SEMA3E: variants seen among roughly 807,000 people sequenced by gnomAD.
SEMA3E encodes the protein semaphorin-3E.
In SEMA3E, 49 loss-of-function variants were observed where a neutral mutation model predicts 93.6. The ratio of observed to expected loss-of-function variants is 0.52; its 90% CI spans 0.42 to 0.66. The LOEUF is 0.66. Ranked by LOEUF, SEMA3E falls within the 30% of genes least tolerant of loss-of-function variation. The pLI is 0.00. For synonymous variants in SEMA3E, 363 were observed against 330.7 expected (o/e 1.10, Z -1.06); for missense variants, 906 against 964.8 (o/e 0.94, Z 0.81).
intron 12 of SEMA3E, among the ~76,000 whole-genome samples, chr7:83,395,413 T>TA (rs1188636725): frequency 6.6e-6 from 1 of 152,192 alleles, no homozygotes; most frequent in East Asian, 1.9e-4. Flanking sequence ...CAATCTTTGT[T>TA]ATTCACAGAT....
intron 1 of SEMA3E, among the ~76,000 whole-genome samples, chr7:83,533,153 G>A (rs1249655183): frequency 6.6e-6 from 1 of 151,998 alleles, no homozygotes; most frequent in Non-Finnish European, 1.5e-5. Context: ...AATTTCCTTA[G>A]GGTATCATGT....
chr7:83,606,467 A>G (rs950573073), intron 1 of SEMA3E, among the ~76,000 whole-genome samples: 9 of 150,840 alleles, frequency 6.0e-5, no homozygotes, highest in Non-Finnish European at 8.8e-5. Context: ...TTGTAGGGAC[A>G]TGGATGAAAT....
At chr7:83,449,486 A>G (rs1461128883) in intron 4 of SEMA3E, among the ~76,000 whole-genome samples, 1 of 152,010 alleles carries the variant, frequency 6.6e-6, no homozygotes, top group African/African-American at 2.4e-5. Context: ...ACATATATAA[A>G]TTTAATTTTC....
intron 13 of SEMA3E, among the ~76,000 whole-genome samples, chr7:83,393,135 G>A (rs56921187): frequency 0.12 from 18,491 of 151,650 alleles, 1,165 homozygotes; most frequent in East Asian, 0.15. Flanking sequence ...AGACATAAAT[G>A]CAGGAGTACC....
chr7:83,450,588 T>C (rs978144323), intron 4 of SEMA3E, among the ~76,000 whole-genome samples: 10 of 152,238 alleles, frequency 6.6e-5, no homozygotes, highest in Non-Finnish European at 1.5e-4. Context: ...TAATAGTGTT[T>C]ATTTTGGGGG....
intron 1 of SEMA3E, among the ~76,000 whole-genome samples, chr7:83,513,506 ATGT>A (rs745914558): frequency 1.4e-4 from 21 of 152,336 alleles, no homozygotes; most frequent in Non-Finnish European, 7.4e-5. Context: ...ATATTTTAAA[ATGT>A]TGTATATTAA....
intron 10 of SEMA3E, among the ~76,000 whole-genome samples, chr7:83,401,214 G>A (rs1014199483): frequency 2.6e-5 from 4 of 152,086 alleles, no homozygotes; most frequent in African/African-American, 7.2e-5. Context: ...ACCTTTAAAT[G>A]TGTTGATTCA....
At chr7:83,612,438 T>C (rs143527393) in intron 1 of SEMA3E, 246 of 152,128 alleles carry the variant, frequency 1.6e-3, no homozygotes, top group Middle Eastern at 6.8e-3. Context: ...CTTAAATAAA[T>C]CCAAAGATCA....
chr7:83,561,347 T>A (rs1440850857), intron 1 of SEMA3E, among the ~76,000 whole-genome samples: 1 of 152,126 alleles, frequency 6.6e-6, no homozygotes, highest in Non-Finnish European at 1.5e-5. Context: ...GATAAAATGT[T>A]TCCCATAGGG....
intron 4 of SEMA3E, among the ~76,000 whole-genome samples, chr7:83,462,875 C>T (rs1320614085): frequency 2.3e-5 from 3 of 130,778 alleles, no homozygotes; most frequent in Non-Finnish European, 5.0e-5. Context: ...ATCCTCAATA[C>T]CTGCCTCTAC....
chr7:83,422,249 T>C (rs1788681484), intron 4 of SEMA3E, among the ~76,000 whole-genome samples: 4 of 152,150 alleles, frequency 2.6e-5, no homozygotes, highest in Admixed American at 2.0e-4. Flanking sequence ...GACCCAAAGG[T>C]GTGGCTAAAC....
intron 16 of SEMA3E, among the ~76,000 whole-genome samples, chr7:83,380,818 C>T (rs1787761657): frequency 6.6e-6 from 1 of 151,910 alleles, no homozygotes; most frequent in African/African-American, 2.4e-5. Context: ...GTTCAAAACA[C>T]CAATTGCAGA....
chr7:83,436,346 G>GA (rs1789004868), intron 4 of SEMA3E, among the ~76,000 whole-genome samples: 1 of 150,416 alleles, frequency 6.6e-6, no homozygotes, highest in African/African-American at 2.4e-5. Flanking sequence ...GAGAAGAATA[G>GA]AAATAAGAAT....
chr7:83,450,650 G>A (rs971876658), intron 4 of SEMA3E, among the ~76,000 whole-genome samples: 1 of 151,866 alleles, frequency 6.6e-6, no homozygotes, highest in Middle Eastern at 3.2e-3. Context: ...TCTATTTATT[G>A]ATCTAGATGC....
chr7:83,565,570 A>G (rs943432324), intron 1 of SEMA3E, among the ~76,000 whole-genome samples: 2 of 152,236 alleles, frequency 1.3e-5, no homozygotes, highest in Non-Finnish European at 2.9e-5. Flanking sequence ...ATATCCTTGA[A>G]TTAATAGCAA....
At chr7:83,369,707 T>C (rs1216163386) in intron 16 of SEMA3E, among the ~76,000 whole-genome samples, 1 of 152,088 alleles carries the variant, frequency 6.6e-6, no homozygotes. Flanking sequence ...AAACAATCTG[T>C]TTTACTGATA....
chr7:83,594,108 G>A (rs946002248), intron 1 of SEMA3E, among the ~76,000 whole-genome samples: 1 of 152,126 alleles, frequency 6.6e-6, no homozygotes, highest in Non-Finnish European at 1.5e-5. Flanking sequence ...ATGCCAATAT[G>A]GAGAACTTTG....
chr7:83,487,682 C>CGTGTGT (rs71074667), intron 2 of SEMA3E, among the ~76,000 whole-genome samples: 40,187 of 144,250 alleles, frequency 0.28, 6,357 homozygotes, highest in East Asian at 0.39. Context: ...GGCAGGAGGT[C>CGTGTGT]GTGTGTGTGT....
chr7:83,497,618 A>G (rs572393283), intron 1 of SEMA3E, among the ~76,000 whole-genome samples: 31 of 152,356 alleles, frequency 2.0e-4, no homozygotes, highest in African/African-American at 7.5e-4. Flanking sequence ...TTGACTGATG[A>G]TCACTAGTGG....
Sources: allele counts gnomAD v4.1 joint callset (sites outside exome capture counted in the v4.1 genomes callset), GRCh38; gene constraint gnomAD v4.1.1; transcripts MANE v1.5; gene names NCBI Gene and HGNC (gene_info 2026-07-23, HGNC 2026-07-21).